Variants in NFATC1 observed in about 807,000 individuals in gnomAD.
NFATC1 encodes the protein nuclear factor of activated T cells 1, also known as nuclear factor of activated T-cells, cytoplasmic 1.
A neutral mutation model predicts 76.0 loss-of-function variants in NFATC1; 22 were observed. That is an observed-to-expected ratio of 0.29 (90% CI 0.21 to 0.41). NFATC1 has a LOEUF of 0.41. Among genes scored for constraint, NFATC1 ranks in the 10% least tolerant of loss-of-function variants. NFATC1 has a pLI of 1.00. For missense variants in NFATC1, 1,357 were observed against 1,337.7 expected, an observed-to-expected ratio of 1.01 and a Z score of -0.23; for synonymous variants, 704 against 613.1, an observed-to-expected ratio of 1.15 and a Z score of -2.19.
intron 1 of NFATC1, among the ~76,000 whole-genome samples, chr18:79,408,101 G>A (rs765226552): frequency 1.3e-5 from 2 of 152,212 alleles, no homozygotes; most frequent in African/African-American, 4.8e-5. Context: ...CTGCCGTGCC[G>A]TGTTTCCCAC....
chr18:79,494,179 A>G (rs1223958782), intron 9 of NFATC1, among the ~76,000 whole-genome samples: 2 of 152,154 alleles, frequency 1.3e-5, no homozygotes, highest in African/African-American at 4.8e-5. Context: ...AGCGACCGCG[A>G]GGGACAGTGA....
intron 3 of NFATC1, among the ~76,000 whole-genome samples, chr18:79,436,950 C>T (rs1259295524): frequency 1.3e-5 from 2 of 152,202 alleles, no homozygotes; most frequent in Non-Finnish European, 2.9e-5. Flanking sequence ...GCCACATTGC[C>T]ATGATCACAC....
At chr18:79,467,994 A>G in intron 8 of NFATC1, 1 of 1,008,778 alleles carries the variant, frequency 9.9e-7, no homozygotes, top group Non-Finnish European at 1.2e-6. Flanking sequence ...CTTTGCTTTT[A>G]AGCCTGTAGT....
In NFATC1 at chr18:79,434,471, G is replaced by C. The variant is rs141166125; in HGVS notation, c.1386+733G>C. On this transcript the variant is annotated intron_variant, in intron 3 of 9. Transcript: ENST00000427363. ...CCCCAGGTGTTGATGTGGATCCCGG[G>C]TAGCCGTGGGTGTTGGCATTTTCTT... 8.7e-3 allele frequency among the ~76,000 whole-genome samples: 1,324 copies of C among 152,354 alleles called. 10 individuals carry two copies. The highest frequency in any genetic ancestry group is 0.014 in the Non-Finnish European group (937 of 68,020).
chr18:79,418,266 C>T (rs2085947589), intron 2 of NFATC1, among the ~76,000 whole-genome samples: 1 of 152,182 alleles, frequency 6.6e-6, no homozygotes, highest in African/African-American at 2.4e-5. Context: ...TGTCGGGTCA[C>T]AGTCAGGCGC....
At chr18:79,469,307 T>G (rs2088677078) in intron 8 of NFATC1, 1 of 985,270 alleles carries the variant, frequency 1.0e-6, no homozygotes, top group Non-Finnish European at 1.2e-6. Context: ...CATTAATTTT[T>G]TTCTTATTTG....
chr18:79,430,414 A>T (rs1213895513), intron 2 of NFATC1, among the ~76,000 whole-genome samples: 2 of 151,920 alleles, frequency 1.3e-5, no homozygotes, highest in South Asian at 4.1e-4. Flanking sequence ...ATGGAGTCTC[A>T]CTCTGTTGCC....
chr18:79,472,282 C>T (rs1411726180), intron 8 of NFATC1, among the ~76,000 whole-genome samples: 1 of 152,166 alleles, frequency 6.6e-6, no homozygotes, highest in African/African-American at 2.4e-5. Flanking sequence ...AAGCCCCCTC[C>T]AGGTGGCGTG....
chr18:79,448,644 G>A (rs1250331371), intron 3 of NFATC1, 138 bp from the exon 4 acceptor site: 1 of 778,552 alleles, frequency 1.3e-6, no homozygotes, highest in Non-Finnish European at 2.1e-6. Flanking sequence ...ACACCAGTAT[G>A]ACATGGCAGA....
intron 9 of NFATC1, among the ~76,000 whole-genome samples, chr18:79,506,375 C>T (rs1033335258): frequency 2.0e-5 from 3 of 152,198 alleles, no homozygotes; most frequent in African/African-American, 7.2e-5. Context: ...CATCTTCCCA[C>T]CTCCGGTGAC....
chr18:79,405,994 C>T (rs1437171066), intron 1 of NFATC1, among the ~76,000 whole-genome samples: 1 of 152,030 alleles, frequency 6.6e-6, no homozygotes, highest in Non-Finnish European at 1.5e-5. Flanking sequence ...ACACAGAGAC[C>T]TGTGAGGTCC....
intron 9 of NFATC1, among the ~76,000 whole-genome samples, chr18:79,523,701 G>A (rs988503123): frequency 1.3e-5 from 2 of 152,214 alleles, no homozygotes; most frequent in Non-Finnish European, 2.9e-5. Flanking sequence ...ATGTGGCCTC[G>A]AGGGAGGCTC....
intron 6 of NFATC1, among the ~76,000 whole-genome samples, chr18:79,456,166 C>A (rs1019643560): frequency 6.6e-6 from 1 of 152,152 alleles, no homozygotes; most frequent in Non-Finnish European, 1.5e-5. Context: ...TGCAAGGACA[C>A]GGAACTGTCA....
chr18:79,401,780 G>T (rs187939728), intron 1 of NFATC1, among the ~76,000 whole-genome samples: 1 of 152,214 alleles, frequency 6.6e-6, no homozygotes, highest in African/African-American at 2.4e-5. Flanking sequence ...GTCATCGGGG[G>T]TCGGGTGGGA....
At chr18:79,456,816 TGG>T (rs1395796925) in intron 6 of NFATC1, among the ~76,000 whole-genome samples, 3 of 152,098 alleles carry the variant, frequency 2.0e-5, no homozygotes, top group Non-Finnish European at 4.4e-5. Context: ...GGCATCTCCG[TGG>T]TGTGCCCTCT....
intron 3 of NFATC1, among the ~76,000 whole-genome samples, chr18:79,438,606 C>G (rs1346986358): frequency 2.6e-5 from 4 of 152,226 alleles, no homozygotes; most frequent in Non-Finnish European, 4.4e-5. Flanking sequence ...CGTTCTGAAA[C>G]AGCATTTTAG....
chr18:79,470,356 C>G (rs1025738176), intron 8 of NFATC1: 1 of 152,262 alleles, frequency 6.6e-6, no homozygotes, highest in Non-Finnish European at 1.5e-5. Flanking sequence ...TGCCGATGAG[C>G]TTCGGGTCTG....
At position 79,486,572 on chromosome 18, in the gene NFATC1, C is replaced by T; in HGVS notation, c.2417C>T (p.Pro806Leu). The T allele has an allele frequency of 1.3e-6, 2 of 1,592,734 alleles. No homozygotes were observed. Among genetic ancestry groups the T allele is most frequent in the Non-Finnish European group, 1.7e-6 (2 of 1,174,226 alleles). Residue 806 changes from proline (P) to leucine (L), a missense_variant, in exon 9 of 10, where the codon CCA becomes CTA. Physicochemically the swap from Pro to Leu is moderately conservative, Grantham distance 98. Coordinates refer to ENST00000427363, the MANE Select transcript of NFATC1 (RefSeq NM_001278669.2). ...CCCGCCGTCCAGGACGTGCCCAGGCCAGTGGCCACGCACCCCGGCTCGCCC... is the reference window on the plus strand; with the variant it reads ...CCCGCCGTCCAGGACGTGCCCAGGCTAGTGGCCACGCACCCCGGCTCGCCC... ...EAPAVQDVPR[P>L]VATHPGSPGQ...
At chr18:79,464,362 T>A (rs777997319) in intron 7 of NFATC1, among the ~76,000 whole-genome samples, 24 of 109,888 alleles carry the variant, frequency 2.2e-4, no homozygotes, top group Admixed American at 9.0e-5. Context: ...CCCAAAGTGC[T>A]GGGATTACAG....
Sources: allele counts gnomAD v4.1 joint callset (sites outside exome capture counted in the v4.1 genomes callset), GRCh38; gene constraint gnomAD v4.1.1; transcripts MANE v1.5; gene names NCBI Gene and HGNC (gene_info 2026-07-23, HGNC 2026-07-21).